Variants in RPL30 observed in about 807,000 individuals in gnomAD.
The protein encoded by RPL30 is ribosomal protein L30, also known as large ribosomal subunit protein eL30.
For synonymous variants in RPL30, 40 were observed against 50.4 expected, an observed-to-expected ratio of 0.79 and a Z score of 0.87; for missense variants, 60 against 138.0, an observed-to-expected ratio of 0.43 and a Z score of 2.83.
intron 4 of RPL30, 158 bp downstream of exon 4, chr8:98,042,487 C>T (rs1232039777): frequency 1.5e-6 from 1 of 686,298 alleles, no homozygotes; most frequent in Non-Finnish European, 2.4e-6. Flanking sequence ...GCATTCATTA[C>T]CAATTCTCTA....
chr8:98,042,784 A>G lies in RPL30; in HGVS notation c.168-9T>C, dbSNP rs368859188. The G allele has an allele frequency of 6.4e-7, 1 of 1,556,024 alleles. No homozygotes were observed. Among genetic ancestry groups the G allele is most frequent in the East Asian group, 2.3e-5 (1 of 43,528 alleles). ...ACTCTATTTCAGATTTCCTTTGGGA[A>G]CCAAAATGGGCAAATAAATAAATGC... is the stretch of plus-strand genomic sequence containing the variant. On this transcript the variant is annotated splice_polypyrimidine_tract_variant and intron_variant, in intron 3 of 4. Transcript: ENST00000287038.
intron 3 of RPL30, 29 bp downstream of exon 3, chr8:98,044,914 G>A: frequency 6.2e-7 from 1 of 1,606,464 alleles, no homozygotes; most frequent in Non-Finnish European, 8.5e-7. Context: ...ATTCGCGGTA[G>A]GCGAAGCCCG....
intron 4 of RPL30, chr8:98,042,384 C>G: frequency 2.3e-6 from 1 of 435,434 alleles, no homozygotes; most frequent in South Asian, 2.1e-5. Flanking sequence ...TTTACCAAAT[C>G]TATGTCATTA....
intron 3 of RPL30, 169 bp downstream of exon 3, chr8:98,044,774 T>C (rs1586187287): frequency 1.5e-6 from 1 of 678,010 alleles, no homozygotes; most frequent in Non-Finnish European, 2.5e-6. Flanking sequence ...AGCACACGAT[T>C]TGGGGGTGGG....
At chr8:98,043,023 C>A (rs1317071826) in intron 3 of RPL30, 5 of 321,094 alleles carry the variant, frequency 1.6e-5, no homozygotes, top group Non-Finnish European at 2.8e-5. Flanking sequence ...AGTATCAATA[C>A]TCACGGAAGA....
rs878905236 is a variant in RPL30 at position 98,045,091 on chromosome 8, A to G, written c.22-3T>C. ...TTGATCGACTCCAGCGACTTTTTCTACAAAGCAAACATTAAATACGGACCT... is the reference window on the plus strand; with the variant it reads ...TTGATCGACTCCAGCGACTTTTTCTGCAAAGCAAACATTAAATACGGACCT... On this transcript the variant is annotated splice_region_variant and splice_polypyrimidine_tract_variant and intron_variant, in intron 2 of 4. Transcript: ENST00000287038. The G allele has an allele frequency of 9.3e-6, 15 of 1,613,132 alleles. No individual in the cohort carries two copies. Among genetic ancestry groups the G allele is most frequent in the Non-Finnish European group, 1.3e-5 (15 of 1,179,600 alleles).
At chr8:98,045,119 G>T (rs781218949) in intron 2 of RPL30, 31 bp from the exon 3 acceptor site, 19 of 1,600,442 alleles carry the variant, frequency 1.2e-5, no homozygotes, top group Non-Finnish European at 6.8e-6. Flanking sequence ...ACGGACCTAA[G>T]GGCCTCGCCT....
chr8:98,042,786 CA>C lies in RPL30; in HGVS notation c.168-12del. On this transcript the variant is annotated splice_polypyrimidine_tract_variant and intron_variant, in intron 3 of 4. Coordinates refer to ENST00000287038, the MANE Select transcript of RPL30 (RefSeq NM_000989.4). ...TCTATTTCAGATTTCCTTTGGGAACCAAAATGGGCAAATAAATAAATGCGAT... is the reference window on the plus strand; with the variant it reads ...TCTATTTCAGATTTCCTTTGGGAACCAAATGGGCAAATAAATAAATGCGAT... 3 of 1,551,404 alleles carry C rather than the reference CA, an allele frequency of 1.9e-6. No individual in the cohort carries two copies. Among genetic ancestry groups the C allele is most frequent in the East Asian group, 2.3e-5 (1 of 43,298 alleles).
chr8:98,042,333 CT>C, intron 4 of RPL30: 1 of 435,166 alleles, frequency 2.3e-6, no homozygotes, highest in South Asian at 1.8e-5. Context: ...GAATTACTTT[CT>C]TCTGTTTTGC....
chr8:98,045,476 G>A, intron 1 of RPL30, 32 bp downstream of exon 1: 4 of 1,372,438 alleles, frequency 2.9e-6, no homozygotes, highest in Non-Finnish European at 3.1e-6. Flanking sequence ...TCCCCGCGCT[G>A]CCTAAACCTC....
rs962210891 is a variant in RPL30, at chr8:98,045,458, C to T, written c.-33+50G>A. On this transcript the variant is annotated intron_variant, in intron 1 of 4. Transcript: ENST00000287038. ...GGATCCGGAGTTACAAATGGCAACC[C>T]GCAAAGCTCCCCGCGCTGCCTAAAC... 7 of 1,515,350 alleles carry T rather than the reference C, an allele frequency of 4.6e-6. No homozygotes were observed. In the East Asian group the frequency reaches 1.4e-4, roughly 29 times the overall value. The allele number at this position is 1,515,350 out of a possible 1,614,324, so 93.9% of individuals were successfully genotyped here. A position where few individuals can be genotyped will look rare whatever the true frequency, so the allele number is the denominator to read the frequency against.
Position 98,045,393 on chromosome 8 carries a change from C to T in RPL30, c.-26G>A, listed in dbSNP as rs1028953350. 3 of 1,614,086 alleles carry T rather than the reference C, an allele frequency of 1.9e-6. No homozygotes were observed. In the Admixed American group the frequency reaches 5.0e-5, roughly 27 times the overall value. On this transcript the variant is annotated 5_prime_UTR_variant, in exon 2 of 5. Transcript: ENST00000287038. The stretch of plus-strand genomic sequence containing the variant: ...CTTCCTGCCTTAGGAGCGGGACGGC[C>T]CCCAACCTAGAAGAGACAGAGAACA...
In RPL30 at chr8:98,042,852, CTAGTG is replaced by C. The variant is rs3835117; in HGVS notation, c.168-82_168-78del. ...AGACTAAATGTTACTACTTCTTTTA[CTAGTG>C]TTAATGTTGTTAAGGCCTTCAAAAA... On this transcript the variant is annotated intron_variant, in intron 3 of 4. Transcript: ENST00000287038. 423 of 1,382,080 alleles carry C rather than the reference CTAGTG, an allele frequency of 3.1e-4. 6 individuals carry two copies. The East Asian group carries it at 0.01, about 34-fold the overall frequency. The allele number at this position is 1,382,080 out of a possible 1,614,324, so 85.6% of individuals were successfully genotyped here. A position where few individuals can be genotyped will look rare whatever the true frequency, so the allele number is the denominator to read the frequency against.
At chr8:98,041,888 T>G in intron 4 of RPL30, 38 bp from the exon 5 acceptor site, 1 of 1,377,304 alleles carries the variant, frequency 7.3e-7, no homozygotes, top group South Asian at 1.2e-5. Flanking sequence ...ATTTTACAAT[T>G]CATTTAATAG....
Position 98,041,831 on chromosome 8 carries a change from T to C in RPL30, c.318A>G (p.Arg106=). 1 of 1,602,888 alleles carries C rather than the reference T, an allele frequency of 6.2e-7. No homozygotes were observed. Among genetic ancestry groups the C allele is most frequent in the Non-Finnish European group, 8.5e-7 (1 of 1,174,202 alleles). ...TTTCACCAGTCTGTTCTGGCATGCT[T>C]CTAATGATGTCAGAGTCACCTAAAA... is the stretch of plus-strand genomic sequence containing the variant. ...IIDPGDSDII[R]SMPEQTGEK The change falls in exon 5 of 5, where the codon AGA becomes AGG. Residue 106 remains arginine (R), a synonymous_variant. Transcript: ENST00000287038.
rs1393264532 is a variant in RPL30, at chr8:98,045,402, A to G, written c.-32-3T>C. On this transcript the variant is annotated splice_polypyrimidine_tract_variant and splice_region_variant and intron_variant, in intron 1 of 4. Coordinates refer to ENST00000287038, the MANE Select transcript of RPL30 (RefSeq NM_000989.4). ...TTAGGAGCGGGACGGCCCCCAACCT[A>G]GAAGAGACAGAGAACAGGACAGGAA... 2 of 1,613,728 alleles carry G rather than the reference A, an allele frequency of 1.2e-6. No individual in the cohort carries two copies. Among genetic ancestry groups the G allele is most frequent in the East Asian group, 2.2e-5 (1 of 44,888 alleles).
intron 3 of RPL30, 104 bp downstream of exon 3, chr8:98,044,839 G>A (rs566396413): frequency 8.0e-7 from 1 of 1,252,694 alleles, no homozygotes; most frequent in Non-Finnish European, 1.1e-6. Flanking sequence ...TAATTATCCT[G>A]CAAGTGTTCG....
Position 98,041,865 on chromosome 8 carries a change from TA to T in RPL30, c.299-16del. 6.4e-7 allele frequency: 1 copy of T among 1,558,782 alleles called. No homozygotes were observed. Among genetic ancestry groups the T allele is most frequent in the East Asian group, 2.2e-5 (1 of 44,516 alleles). ...GTCAGAGTCACCTAAAAAATAAAAA[TA>T]AAAAAACAGTAATTTTACAATTCAT... On this transcript the variant is annotated splice_polypyrimidine_tract_variant and intron_variant, in intron 4 of 4. Transcript: ENST00000287038.
At chr8:98,045,479 T>C (rs1814460017) in intron 1 of RPL30, 29 bp downstream of exon 1, 2 of 1,331,578 alleles carry the variant, frequency 1.5e-6, no homozygotes, top group South Asian at 2.4e-5. Context: ...CCGCGCTGCC[T>C]AAACCTCGGT....
Sources: allele counts gnomAD v4.1 joint callset, GRCh38; gene constraint gnomAD v4.1.1; transcripts MANE v1.5; gene names NCBI Gene and HGNC (gene_info 2026-07-23, HGNC 2026-07-21).